Variants in CEP63 observed in about 807,000 individuals in gnomAD.
CEP63 encodes the protein centrosomal protein 63.
A neutral mutation model predicts 89.1 loss-of-function variants in CEP63; 84 were observed. The ratio of observed to expected loss-of-function variants is 0.94; its 90% CI spans 0.79 to 1.13. CEP63 has a LOEUF of 1.13. CEP63 is among the 50% of genes most tolerant of loss of function. The probability of loss-of-function intolerance (pLI) is 0.00; values close to 1 mark genes in which losing one functional copy is unlikely to be tolerated. For synonymous variants in CEP63, 267 were observed against 272.5 expected, an observed-to-expected ratio of 0.98 and a Z score of 0.20; for missense variants, 838 against 813.3, an observed-to-expected ratio of 1.03 and a Z score of -0.37.
the CEP63 span, among the ~76,000 whole-genome samples, chr3:134,690,036 G>A: frequency 6.6e-6 from 1 of 152,174 alleles, no homozygotes; most frequent in African/African-American, 2.4e-5. Context: ...CTCAATAAAA[G>A]GTTAGAATCA....
At chr3:134,645,706 C>A in the CEP63 span, among the ~76,000 whole-genome samples, 5 of 152,206 alleles carry the variant, frequency 3.3e-5, no homozygotes, top group Non-Finnish European at 7.3e-5. Context: ...CTCTGTCCAG[C>A]CCTGCATTTA....
chr3:134,741,456 C>A, the CEP63 span, among the ~76,000 whole-genome samples: 52 of 152,256 alleles, frequency 3.4e-4, no homozygotes, highest in Non-Finnish European at 6.6e-4. Context: ...CTCCCTCACA[C>A]ACCTGTGCAC....
At chr3:134,555,488 C>G (rs1955946265) in intron 12 of CEP63, among the ~76,000 whole-genome samples, 1 of 150,126 alleles carries the variant, frequency 6.7e-6, no homozygotes, top group South Asian at 2.1e-4. Context: ...AACAGACAAA[C>G]AGAGAGCCAA....
the CEP63 span, chr3:134,779,725 C>A: frequency 6.6e-6 from 1 of 152,178 alleles, no homozygotes; most frequent in Non-Finnish European, 1.5e-5. Context: ...GTGTTCTTCT[C>A]TTTTCCCACC....
the CEP63 span, among the ~76,000 whole-genome samples, chr3:134,630,586 C>G: frequency 6.6e-6 from 1 of 152,130 alleles, no homozygotes; most frequent in Admixed American, 6.5e-5. Context: ...GTGGTCACCT[C>G]TGAACTGTGC....
chr3:134,515,632 C>T (rs751985681), intron 3 of CEP63, among the ~76,000 whole-genome samples: 1 of 152,032 alleles, frequency 6.6e-6, no homozygotes, highest in Non-Finnish European at 1.5e-5. Context: ...TTCTTTGTGC[C>T]CTGTAGTATG....
chr3:134,518,599 A>T (rs1946733868), intron 3 of CEP63, among the ~76,000 whole-genome samples: 1 of 152,234 alleles, frequency 6.6e-6, no homozygotes, highest in African/African-American at 2.4e-5. Context: ...ATAATAATGA[A>T]TATGGTACGT....
chr3:134,711,433 G>T, the CEP63 span, among the ~76,000 whole-genome samples: 1 of 152,080 alleles, frequency 6.6e-6, no homozygotes, highest in Non-Finnish European at 1.5e-5. Flanking sequence ...GCATACTTGT[G>T]ACTGTCATCC....
In CEP63 at chr3:134,557,376, G is replaced by GTTTTTTTTTTTTTTTTTTTTTTTTTT. The variant is rs199930556; in HGVS notation, c.1468-763_1468-738dup. On this transcript the variant is annotated intron_variant, in intron 12 of 14. Transcript: ENST00000675561. ...CTTGACCAGCTTACTTTCATAATTTGTTTTTTTTTTTTTTTTTTTTTTTTT... is the reference window on the plus strand; with the variant it reads ...CTTGACCAGCTTACTTTCATAATTTGTTTTTTTTTTTTTTTTTTTTTTTTTTTTTTTTTTTTTTTTTTTTTTTTTTT... 1.4e-4 allele frequency among the ~76,000 whole-genome samples: 14 copies of GTTTTTTTTTTTTTTTTTTTTTTTTTT among 101,500 alleles called. 1 individual carries two copies. Among genetic ancestry groups the GTTTTTTTTTTTTTTTTTTTTTTTTTT allele is most frequent in the Non-Finnish European group, 2.2e-4 (12 of 54,356 alleles). The allele number at this position is 101,500 out of a possible 152,430, so 66.6% of individuals were successfully genotyped here. A position where few individuals can be genotyped will look rare whatever the true frequency, so the allele number is the denominator to read the frequency against.
At chr3:134,550,525 A>G (rs1954577019) in intron 11 of CEP63, among the ~76,000 whole-genome samples, 1 of 152,174 alleles carries the variant, frequency 6.6e-6, no homozygotes, top group Non-Finnish European at 1.5e-5. Context: ...CTCGCTGCAA[A>G]GGCCTTCCAG....
At chr3:134,643,592 C>G in the CEP63 span, among the ~76,000 whole-genome samples, 3 of 152,214 alleles carry the variant, frequency 2.0e-5, no homozygotes, top group Admixed American at 1.3e-4. Context: ...GTGCACACAC[C>G]CCTTGTGCCT....
the CEP63 span, among the ~76,000 whole-genome samples, chr3:134,653,018 T>C: frequency 2.6e-5 from 4 of 152,302 alleles, no homozygotes; most frequent in African/African-American, 7.2e-5. Flanking sequence ...CAAACTCTGG[T>C]GCCCCCTCCC....
the CEP63 span, among the ~76,000 whole-genome samples, chr3:134,683,449 CAT>C: frequency 2.0e-5 from 3 of 152,060 alleles, no homozygotes; most frequent in East Asian, 5.8e-4. Context: ...ATTTGGTGTA[CAT>C]TAGGAATGAT....
the CEP63 span, among the ~76,000 whole-genome samples, chr3:134,727,032 C>T: frequency 8.5e-5 from 13 of 152,168 alleles, no homozygotes; most frequent in African/African-American, 2.9e-4. Flanking sequence ...TTTCTTCATG[C>T]TGCCCTCCCA....
chr3:134,724,825 A>C, the CEP63 span, among the ~76,000 whole-genome samples: 1 of 152,228 alleles, frequency 6.6e-6, no homozygotes, highest in African/African-American at 2.4e-5. Context: ...CAAAGCACAA[A>C]TACAACTGCA....
chr3:134,504,327 T>A (rs1189643274), intron 2 of CEP63, among the ~76,000 whole-genome samples: 1 of 152,222 alleles, frequency 6.6e-6, no homozygotes, highest in African/African-American at 2.4e-5. Flanking sequence ...ACTTTATTTC[T>A]CCTTCATTTT....
chr3:134,657,049 A>T, the CEP63 span, among the ~76,000 whole-genome samples: 1 of 152,210 alleles, frequency 6.6e-6, no homozygotes, highest in Non-Finnish European at 1.5e-5. Context: ...GTCTGTTTTT[A>T]TGCTGCTGAC....
chr3:134,752,136 AC>A, the CEP63 span, among the ~76,000 whole-genome samples: 1 of 152,212 alleles, frequency 6.6e-6, no homozygotes, highest in African/African-American at 2.4e-5. Flanking sequence ...GAACCCCAGC[AC>A]TTAAAGGGCA....
the CEP63 span, chr3:134,620,699 G>A: frequency 1.5e-6 from 2 of 1,322,632 alleles, no homozygotes; most frequent in Non-Finnish European, 2.2e-6. Flanking sequence ...AGGCCTGCAG[G>A]GAATGGAAGC....
Sources: gnomAD v4.1 joint callset for allele counts (sites outside exome capture counted in the v4.1 genomes callset) on GRCh38, gnomAD v4.1.1 for gene constraint, MANE v1.5 for transcripts, NCBI Gene and HGNC (gene_info 2026-07-23, HGNC 2026-07-21) for gene names.